The following MACROD2 variants were observed in gnomAD, a reference collection of about 807,000 sequenced individuals.
MACROD2 encodes ADP-ribose glycohydrolase MACROD2.
Under a neutral mutation model 70.4 loss-of-function variants are expected in MACROD2, and 36 were observed. The observed-to-expected ratio is 0.51, with a 90% CI of 0.39 to 0.68. MACROD2 has a LOEUF of 0.68. MACROD2 is among the 30% of genes least tolerant of loss of function. The pLI, the probability that MACROD2 is intolerant of heterozygous loss-of-function variation, is 0.00. For synonymous variants in MACROD2, 172 were observed against 178.8 expected, an observed-to-expected ratio of 0.96 and a Z score of 0.30; for missense variants, 496 against 538.4, an observed-to-expected ratio of 0.92 and a Z score of 0.78.
At chr20:14,530,438 C>T in intron 4 of MACROD2, among the ~76,000 whole-genome samples, 1 of 152,130 alleles carries the variant, frequency 6.6e-6, no homozygotes, top group East Asian at 1.9e-4. Flanking sequence ...TTTTATTTAG[C>T]TCTCAAATGG....
intron 6 of MACROD2, among the ~76,000 whole-genome samples, chr20:15,408,028 CTG>C (rs2046027855): frequency 6.6e-6 from 1 of 152,196 alleles, no homozygotes; most frequent in African/African-American, 2.4e-5. Context: ...TCCAAATACT[CTG>C]TTAACAAACA....
intron 5 of MACROD2, among the ~76,000 whole-genome samples, chr20:15,032,608 A>AAC (rs2075284419): frequency 6.6e-6 from 1 of 152,210 alleles, no homozygotes; most frequent in Non-Finnish European, 1.5e-5. Context: ...CCGTCACTCT[A>AAC]ACCGGAAATG....
In MACROD2 at chr20:14,980,299, G is replaced by A. The variant is rs1381455053; in HGVS notation, c.419-249641G>A. ...ATGAGTTATCTCAGGAGTGACACTG[G>A]TGACTTGAAAGAGAGACCTGAGCTA... On this transcript the variant is annotated intron_variant, in intron 5 of 17. Coordinates refer to ENST00000684519, the MANE Select transcript of MACROD2 (RefSeq NM_001351661.2). Among the ~76,000 whole-genome samples, 3 of 152,006 alleles carry A rather than the reference G, an allele frequency of 2.0e-5. No individual in the cohort carries two copies. The East Asian group carries it at 5.8e-4, about 29-fold the overall frequency.
rs1222709844 is a variant in MACROD2 at position 16,052,845 on chromosome 20, A to T, written c.*2969A>T. The T allele has an allele frequency of 6.6e-6, 1 of 152,586 alleles. No individual in the cohort carries two copies. The highest frequency in any genetic ancestry group is 1.9e-4 in the East Asian group (1 of 5,194). 9.5% of individuals were successfully genotyped at this position (152,586 alleles called of 1,614,324 possible). Reference sequence around the variant, plus strand: ...ATATGTTCAATATATTTTCTTGGGGAATAGGGTTTTTATTACATGATTCAT... The same window carrying T: ...ATATGTTCAATATATTTTCTTGGGGTATAGGGTTTTTATTACATGATTCAT... On this transcript the variant is annotated 3_prime_UTR_variant, in exon 18 of 18. Transcript: ENST00000684519.
chr20:16,036,346 T>A (rs1272247231), intron 15 of MACROD2, among the ~76,000 whole-genome samples: 1 of 151,962 alleles, frequency 6.6e-6, no homozygotes, highest in East Asian at 1.9e-4. Context: ...TCTGTGTGCA[T>A]CTCAGTATCT....
At chr20:14,046,087 T>C (rs2148644072) in intron 2 of MACROD2, among the ~76,000 whole-genome samples, 1 of 152,212 alleles carries the variant, frequency 6.6e-6, no homozygotes, top group South Asian at 2.1e-4. Context: ...GAATGAGAAA[T>C]TCCCAAAATT....
intron 3 of MACROD2, among the ~76,000 whole-genome samples, chr20:14,489,317 A>C (rs1424255078): frequency 2.0e-5 from 3 of 152,200 alleles, no homozygotes; most frequent in African/African-American, 7.2e-5. Flanking sequence ...GTCTGCGTAG[A>C]TTGTATTTTC....
At chr20:14,543,533 A>T (rs1173882246) in intron 4 of MACROD2, among the ~76,000 whole-genome samples, 1 of 152,174 alleles carries the variant, frequency 6.6e-6, no homozygotes, top group Non-Finnish European at 1.5e-5. Context: ...TGGCATATTG[A>T]TATAATGAAA....
intron 8 of MACROD2, among the ~76,000 whole-genome samples, chr20:15,704,334 C>G (rs1419386105): frequency 6.6e-6 from 1 of 152,036 alleles, no homozygotes; most frequent in Non-Finnish European, 1.5e-5. Context: ...GGAAATAATT[C>G]CTGTTCACAA....
chr20:15,516,312 C>A (rs2047567152), intron 8 of MACROD2, among the ~76,000 whole-genome samples: 1 of 152,084 alleles, frequency 6.6e-6, no homozygotes, highest in South Asian at 2.1e-4. Flanking sequence ...AAAATGTTGG[C>A]AGCTTAGATT....
chr20:14,508,840 A>G (rs2084997896), intron 4 of MACROD2, among the ~76,000 whole-genome samples: 2 of 152,110 alleles, frequency 1.3e-5, no homozygotes, highest in Admixed American at 1.3e-4. Flanking sequence ...ATTTTACTAT[A>G]TTTGTCCTAT....
At chr20:15,072,829 G>A (rs1223184029) in intron 5 of MACROD2, among the ~76,000 whole-genome samples, 3 of 152,050 alleles carry the variant, frequency 2.0e-5, no homozygotes, top group South Asian at 2.1e-4. Context: ...TAATTTGAAT[G>A]TGTCCCCCAA....
Position 14,605,481 on chromosome 20 carries a change from C to T in MACROD2, c.302-79362C>T, listed in dbSNP as rs551713657. 2.8e-4 allele frequency among the ~76,000 whole-genome samples: 43 copies of T among 152,260 alleles called. 1 individual carries two copies. The highest frequency in any genetic ancestry group is 9.9e-4 in the African/African-American group (41 of 41,562). ...ATTTTAACATGATCATTGGCAAAGA[C>T]ATTATTTCCGAATAAGGTCCCACTC... On this transcript the variant is annotated intron_variant, in intron 4 of 17. Transcript: ENST00000684519.
At chr20:15,440,871 A>C (rs1016274783) in intron 7 of MACROD2, among the ~76,000 whole-genome samples, 2 of 152,142 alleles carry the variant, frequency 1.3e-5, no homozygotes, top group Non-Finnish European at 2.9e-5. Flanking sequence ...TGGTCTAATG[A>C]TGACTCTTTT....
intron 8 of MACROD2, among the ~76,000 whole-genome samples, chr20:15,842,749 A>ATAG (rs61019365): frequency 1.4e-5 from 2 of 141,746 alleles, no homozygotes; most frequent in Admixed American, 7.0e-5. Flanking sequence ...TAGATAGAGA[A>ATAG]ATAGACAGAC....
chr20:14,297,685 A>C (rs2082438742), intron 3 of MACROD2, among the ~76,000 whole-genome samples: 1 of 151,962 alleles, frequency 6.6e-6, no homozygotes, highest in Admixed American at 6.5e-5. Context: ...CATAACATAA[A>C]AGCACAAGGT....
intron 5 of MACROD2, among the ~76,000 whole-genome samples, chr20:14,741,381 A>G (rs1331401577): frequency 1.3e-5 from 2 of 152,144 alleles, no homozygotes; most frequent in Non-Finnish European, 2.9e-5. Flanking sequence ...TGGCGCTATT[A>G]TTACCACATT....
chr20:14,852,246 A>C (rs2073207244), intron 5 of MACROD2, among the ~76,000 whole-genome samples: 1 of 152,146 alleles, frequency 6.6e-6, no homozygotes, highest in Non-Finnish European at 1.5e-5. Flanking sequence ...AAGGTACAAC[A>C]GTGCAGAAAA....
intron 8 of MACROD2, among the ~76,000 whole-genome samples, chr20:15,776,561 A>T (rs183978573): frequency 1.7e-4 from 26 of 152,320 alleles, no homozygotes; most frequent in Admixed American, 1.2e-3. Context: ...TCAACTTGGC[A>T]GTTGTTTAAA....
Sources: allele counts gnomAD v4.1 joint callset (sites outside exome capture counted in the v4.1 genomes callset), GRCh38; gene constraint gnomAD v4.1.1; transcripts MANE v1.5; gene names NCBI Gene and HGNC (gene_info 2026-07-23, HGNC 2026-07-21).